Variants in CIITA observed in about 807,000 individuals in gnomAD.
CIITA encodes the protein class II major histocompatibility complex transactivator.
A neutral mutation model predicts 115.1 loss-of-function variants in CIITA; 72 were observed. That is an observed-to-expected ratio of 0.63 (90% CI 0.52 to 0.76). The LOEUF is 0.76. Among genes scored for constraint, CIITA ranks in the 30% least tolerant of loss-of-function variants. The probability of loss-of-function intolerance (pLI) is 0.00; values close to 1 mark genes in which losing one functional copy is unlikely to be tolerated. For synonymous variants in CIITA, 763 were observed against 635.6 expected, an observed-to-expected ratio of 1.20 and a Z score of -3.02; for missense variants, 1,617 against 1,463.8, an observed-to-expected ratio of 1.10 and a Z score of -1.71.
chr16:10,881,637 GA>G (rs796387102), intron 1 of CIITA, among the ~76,000 whole-genome samples: 9 of 151,896 alleles, frequency 5.9e-5, no homozygotes, highest in South Asian at 2.1e-4. Context: ...TTTATACATG[GA>G]AAAAAAAGTT....
intron 14 of CIITA, among the ~76,000 whole-genome samples, chr16:10,916,080 G>C (rs1325573846): frequency 2.0e-5 from 3 of 152,236 alleles, no homozygotes; most frequent in African/African-American, 4.8e-5. Flanking sequence ...CTACTTTACA[G>C]TGGAGGTTAA....
At position 10,879,238 on chromosome 16, in the gene CIITA, A is replaced by C. The variant is rs2143545615; in HGVS notation, c.52+1856A>C. Among the ~76,000 whole-genome samples the C allele has an allele frequency of 6.6e-6, 1 of 152,220 alleles. No individual in the cohort carries two copies. The highest frequency in any genetic ancestry group is 6.5e-5 in the Admixed American group (1 of 15,304). On this transcript the variant is annotated intron_variant, in intron 1 of 19. Coordinates refer to ENST00000324288, the MANE Select transcript of CIITA (RefSeq NM_000246.4). This position sits in a 1 kb window ranked among gnomAD's most constrained non-coding sequence, Gnocchi z 4.3. Reference sequence around the variant, plus strand: ...TCTGCGCGGGAACCAGGAGCCGGGAACCCGGAGCTTGGCTTGCTGTGCCCA... The same window carrying C: ...TCTGCGCGGGAACCAGGAGCCGGGACCCCGGAGCTTGGCTTGCTGTGCCCA...
Position 10,941,639 on chromosome 16 carries a change from G to A in CIITA, n.765G>A. The A allele has an allele frequency of 6.5e-7, 1 of 1,529,050 alleles. No homozygotes were observed. Among genetic ancestry groups the A allele is most frequent in the Non-Finnish European group, 8.8e-7 (1 of 1,138,116 alleles). 94.7% of individuals were successfully genotyped at this position (1,529,050 alleles called of 1,614,324 possible). On this transcript the variant is annotated non_coding_transcript_exon_variant, in exon 2 of 2. Transcript: ENST00000573379. This position sits in a 1 kb window ranked among gnomAD's most constrained non-coding sequence, Gnocchi z 6.4. The stretch of plus-strand genomic sequence containing the variant: ...GTCCAGATGGTGCCCCCAACCAGCT[G>A]CGGCGGCATGATCTGGGCGGCTGGT...
rs1042513215 is a variant in CIITA at position 10,934,041 on chromosome 16, C to G, written c.*10186C>G. ...CAACGTCACAGAGAAATGATGACCACTTTCTCAAACCTGGCTTCGGATTTG... is the reference window on the plus strand; with the variant it reads ...CAACGTCACAGAGAAATGATGACCAGTTTCTCAAACCTGGCTTCGGATTTG... On this transcript the variant is annotated 3_prime_UTR_variant, in exon 20 of 20. Transcript: ENST00000324288. This position sits in a 1 kb window ranked among gnomAD's most constrained non-coding sequence, Gnocchi z 4.2. 1.3e-5 allele frequency: 2 copies of G among 152,210 alleles called. No individual in the cohort carries two copies. Among genetic ancestry groups the G allele is most frequent in the African/African-American group, 4.8e-5 (2 of 41,454 alleles). The allele number at this position is 152,210 out of a possible 1,614,324, so 9.4% of individuals were successfully genotyped here.
intron 1 of CIITA, among the ~76,000 whole-genome samples, chr16:10,889,502 C>T (rs1473166329): frequency 6.6e-6 from 1 of 151,884 alleles, no homozygotes; most frequent in Non-Finnish European, 1.5e-5. Flanking sequence ...TCCTGCAGGA[C>T]AATCTTTTTT....
chr16:10,871,360 C>T (rs529394713), intron 1 of CIITA, among the ~76,000 whole-genome samples: 3 of 152,260 alleles, frequency 2.0e-5, no homozygotes, highest in South Asian at 4.1e-4. Flanking sequence ...CCATGGAATG[C>T]GAGGCACAAA....
intron 1 of CIITA, among the ~76,000 whole-genome samples, chr16:10,894,007 A>G (rs1346596744): frequency 6.6e-6 from 1 of 151,442 alleles, no homozygotes; most frequent in African/African-American, 2.4e-5. Context: ...AACCACTAAT[A>G]TGCTTTCTTT....
intron 1 of CIITA, among the ~76,000 whole-genome samples, chr16:10,893,645 C>T (rs774083430): frequency 1.3e-5 from 2 of 151,568 alleles, no homozygotes; most frequent in South Asian, 2.1e-4. Flanking sequence ...ACTGTCTCTA[C>T]TAAAAATGCA....
In CIITA at chr16:10,923,711, G is replaced by A. The variant is rs1207548150; in HGVS notation, c.*23-167G>A. ...TGACAAGTCTCCTGCTCCTCACTATGAAGATCACTGTCCCCCAGCCCTGTG... is the reference window on the plus strand; with the variant it reads ...TGACAAGTCTCCTGCTCCTCACTATAAAGATCACTGTCCCCCAGCCCTGTG... On this transcript the variant is annotated intron_variant, in intron 19 of 19. Transcript: ENST00000324288. The surrounding 1 kb of genome is among the most constrained non-coding windows in gnomAD (Gnocchi z 5.2). Among the ~76,000 whole-genome samples, 1 of 152,070 alleles carries A rather than the reference G, an allele frequency of 6.6e-6. No individual in the cohort carries two copies. Among genetic ancestry groups the A allele is most frequent in the Non-Finnish European group, 1.5e-5 (1 of 68,000 alleles).
At chr16:10,921,092 T>A (rs967804559) in intron 16 of CIITA, among the ~76,000 whole-genome samples, 7 of 152,170 alleles carry the variant, frequency 4.6e-5, no homozygotes, top group African/African-American at 1.7e-4. Flanking sequence ...GGTCTCAAAC[T>A]CCCGACCTTA....
chr16:10,889,976 C>T (rs778811351), intron 1 of CIITA, among the ~76,000 whole-genome samples: 6 of 152,156 alleles, frequency 3.9e-5, no homozygotes, highest in Non-Finnish European at 8.8e-5. Flanking sequence ...AACACTCTAC[C>T]CTGCCTTTTC....
rs1003851622 is a variant in CIITA at position 10,877,281 on chromosome 16, G to A, written c.-50G>A. 3.2e-6 allele frequency: 5 copies of A among 1,586,598 alleles called. No homozygotes were observed. Among genetic ancestry groups the A allele is most frequent in the Non-Finnish European group, 4.3e-6 (5 of 1,160,726 alleles). On this transcript the variant is annotated 5_prime_UTR_variant, in exon 1 of 20. Coordinates refer to ENST00000324288, the MANE Select transcript of CIITA (RefSeq NM_000246.4). ...TCCTTGGGGAAGCTGAGGGCACGAGGAGGGGCTGCCAGACTCCGGGAGCTG... is the reference window on the plus strand; with the variant it reads ...TCCTTGGGGAAGCTGAGGGCACGAGAAGGGGCTGCCAGACTCCGGGAGCTG...
intron 7 of CIITA, 59 bp from the exon 8 acceptor site, chr16:10,902,599 C>G (rs1240037475): frequency 3.1e-6 from 5 of 1,608,680 alleles, no homozygotes; most frequent in Non-Finnish European, 4.3e-6. Flanking sequence ...TAAGCAAAAG[C>G]AGAATCGCAA....
intron 16 of CIITA, among the ~76,000 whole-genome samples, 183 bp downstream of exon 16, chr16:10,918,709 CG>C (rs1187341524): frequency 6.6e-6 from 1 of 152,198 alleles, no homozygotes; most frequent in East Asian, 1.9e-4. Flanking sequence ...CATTCCTAGC[CG>C]CTGTTTTCTT....
chr16:10,900,361 T>C (rs1046338766), intron 5 of CIITA, among the ~76,000 whole-genome samples: 5 of 152,250 alleles, frequency 3.3e-5, no homozygotes, highest in Non-Finnish European at 5.9e-5. Context: ...CGGTCCTATC[T>C]TCAGCAGCTT....
intron 9 of CIITA, 94 bp downstream of exon 9, chr16:10,903,989 C>T: frequency 1.9e-6 from 3 of 1,538,796 alleles, no homozygotes; most frequent in Admixed American, 1.7e-5. Context: ...GCAAAGCTGC[C>T]TGTAGGGACA....
At chr16:10,877,139 G>T, upstream of CIITA, 1 of 643,622 alleles carries the variant, frequency 1.6e-6, no homozygotes, top group Admixed American at 2.5e-5. Flanking sequence ...TTTTTTTGAT[G>T]ATCCCTCACT....
intron 15 of CIITA, among the ~76,000 whole-genome samples, chr16:10,918,152 A>G (rs1302249138): frequency 2.0e-5 from 3 of 152,252 alleles, no homozygotes; most frequent in African/African-American, 7.2e-5. Flanking sequence ...AAATAATGCC[A>G]ACACTTATTT....
At position 10,916,373 on chromosome 16, in the gene CIITA, T is replaced by G; in HGVS notation, c.2976T>G (p.Asp992Glu). The G allele has an allele frequency of 6.2e-7, 1 of 1,613,888 alleles. No homozygotes were observed. The highest frequency in any genetic ancestry group is 8.5e-7 in the Non-Finnish European group (1 of 1,179,904). ...AFSSLQHLDL[D>E]ALSENKIGDE... ...CATCTGATTCCACCTGCAGCCTGGA[T>G]GCGCTGAGTGAGAACAAGATCGGGG... Residue 992 changes from aspartate (D) to glutamate (E), a missense_variant, in exon 15 of 20, where the codon GAT (aspartate) becomes GAG (glutamate). Asp to Glu is a conservative substitution (Grantham distance 45, BLOSUM62 2). Transcript: ENST00000324288.
Sources: gnomAD v4.1 joint callset for allele counts (sites outside exome capture counted in the v4.1 genomes callset) on GRCh38, gnomAD v4.1.1 for gene constraint, Gnocchi (gnomAD v3.1) non-coding constraint, MANE v1.5 for transcripts, NCBI Gene and HGNC (gene_info 2026-07-23, HGNC 2026-07-21) for gene names.